Variants in AKAP7 observed in about 807,000 individuals in gnomAD.
AKAP7 encodes A-kinase anchoring protein 7, also known as A kinase (PRKA) anchor protein 7.
A neutral mutation model predicts 39.5 loss-of-function variants in AKAP7; 39 were observed. The ratio of observed to expected loss-of-function variants is 0.99; its 90% CI spans 0.76 to 1.29. The LOEUF is 1.29. AKAP7 is among the 50% of genes most tolerant of loss of function. AKAP7 has a pLI of 0.00. For synonymous variants in AKAP7, 140 were observed against 139.1 expected, an observed-to-expected ratio of 1.01 and a Z score of -0.05; for missense variants, 414 against 407.7, an observed-to-expected ratio of 1.02 and a Z score of -0.13.
chr6:131,199,037 C>T lies in AKAP7; in HGVS notation c.590-424C>T, dbSNP rs568849174. ...GAATAATCAAAGGGCTTACCTTGTT[C>T]GTTTCTCATTGCTCAGGGAAGGTTT... On this transcript the variant is annotated intron_variant, in intron 5 of 7. Coordinates refer to ENST00000431975, the MANE Select transcript of AKAP7 (RefSeq NM_016377.4). Among the ~76,000 whole-genome samples, 12 of 152,310 alleles carry T rather than the reference C, an allele frequency of 7.9e-5. No homozygotes were observed. In the East Asian group the frequency reaches 1.2e-3, roughly 15 times the overall value.
At chr6:131,219,557 A>G in intron 6 of AKAP7, 104 bp from the exon 7 acceptor site, 2 of 1,052,616 alleles carry the variant, frequency 1.9e-6, no homozygotes, top group Non-Finnish European at 2.7e-6. Flanking sequence ...GCAGTGGTGT[A>G]ACAATGTAGT....
At chr6:131,225,705 T>C (rs1176244462) in intron 7 of AKAP7, among the ~76,000 whole-genome samples, 1 of 152,180 alleles carries the variant, frequency 6.6e-6, no homozygotes, top group Non-Finnish European at 1.5e-5. Flanking sequence ...TTAATTTACC[T>C]GATATGATCA....
intron 7 of AKAP7, among the ~76,000 whole-genome samples, chr6:131,246,258 C>T (rs1390728980): frequency 6.6e-6 from 1 of 152,092 alleles, no homozygotes; most frequent in African/African-American, 2.4e-5. Flanking sequence ...TGCCACCCAC[C>T]TCATACTTTT....
intron 6 of AKAP7, among the ~76,000 whole-genome samples, chr6:131,215,195 G>A (rs914423051): frequency 2.0e-5 from 3 of 151,908 alleles, no homozygotes; most frequent in South Asian, 4.1e-4. Context: ...TTATATTTCC[G>A]CTGGAAACTA....
chr6:131,148,990 A>G (rs1801698047), intron 2 of AKAP7, among the ~76,000 whole-genome samples: 1 of 152,206 alleles, frequency 6.6e-6, no homozygotes, highest in South Asian at 2.1e-4. Flanking sequence ...ATTCTTGCTA[A>G]TAGACACCCT....
chr6:131,228,048 C>T (rs77178559), intron 7 of AKAP7, among the ~76,000 whole-genome samples: 18,615 of 152,126 alleles, frequency 0.12, 1,306 homozygotes, highest in Non-Finnish European at 0.15. Flanking sequence ...CTGACTCTGA[C>T]GTCCTTATCT....
At chr6:131,223,086 CA>C (rs1241280340) in intron 7 of AKAP7, among the ~76,000 whole-genome samples, 1 of 152,158 alleles carries the variant, frequency 6.6e-6, no homozygotes, top group Non-Finnish European at 1.5e-5. Flanking sequence ...AAAATGTTTA[CA>C]TTTTTTAGAT....
chr6:131,159,078 GTTTAT>G (rs1199223046), intron 2 of AKAP7, among the ~76,000 whole-genome samples: 1 of 139,648 alleles, frequency 7.2e-6, no homozygotes, highest in Non-Finnish European at 1.5e-5. Flanking sequence ...TTAAGGATCA[GTTTAT>G]TTTATTTTAT....
chr6:131,281,808 C>CTGTT lies in AKAP7; in HGVS notation c.*84_*87dup. Reference sequence around the variant, plus strand: ...AGTCTAGGGACTGACTTGCAGCGTGCTGTTTAAGTTAAGTTTCTCTGGTGC... The same window carrying CTGTT: ...AGTCTAGGGACTGACTTGCAGCGTGCTGTTTGTTTAAGTTAAGTTTCTCTGGTGC... On this transcript the variant is annotated 3_prime_UTR_variant, in exon 8 of 8. Transcript: ENST00000431975. This position sits in a 1 kb window ranked among gnomAD's most constrained non-coding sequence, Gnocchi z 4.0. 7.3e-7 allele frequency: 1 copy of CTGTT among 1,375,566 alleles called. No individual in the cohort carries two copies. The highest frequency in any genetic ancestry group is 2.6e-4 in the Middle Eastern group (1 of 3,820). 85.2% of individuals were successfully genotyped at this position (1,375,566 alleles called of 1,614,324 possible).
intron 5 of AKAP7, among the ~76,000 whole-genome samples, chr6:131,188,762 A>G (rs1394035468): frequency 7.0e-6 from 1 of 142,572 alleles, no homozygotes; most frequent in Non-Finnish European, 1.5e-5. Flanking sequence ...CATGTTGCCC[A>G]GGCTGGTCTC....
intron 6 of AKAP7, among the ~76,000 whole-genome samples, chr6:131,218,590 C>G (rs1311039463): frequency 6.6e-6 from 1 of 152,134 alleles, no homozygotes. Context: ...ATTCTAGTTA[C>G]TTTAATCTTA....
chr6:131,233,568 C>A (rs990010531), intron 7 of AKAP7, among the ~76,000 whole-genome samples: 3 of 152,120 alleles, frequency 2.0e-5, no homozygotes, highest in African/African-American at 7.2e-5. Flanking sequence ...ATATAGAATT[C>A]TTAAGCCCAG....
At chr6:131,190,353 T>C (rs948342578) in intron 5 of AKAP7, among the ~76,000 whole-genome samples, 2 of 152,090 alleles carry the variant, frequency 1.3e-5, no homozygotes, top group African/African-American at 4.8e-5. Flanking sequence ...AATTGAAAAG[T>C]GTTGGCTGGG....
chr6:131,217,910 T>TAC (rs905708139), intron 6 of AKAP7, among the ~76,000 whole-genome samples: 13 of 152,010 alleles, frequency 8.6e-5, no homozygotes, highest in Admixed American at 2.0e-4. Context: ...TGCACACCCC[T>TAC]ACACACACAC....
chr6:131,171,128 A>G (rs1407034965), intron 5 of AKAP7, among the ~76,000 whole-genome samples: 2 of 152,176 alleles, frequency 1.3e-5, no homozygotes, highest in Non-Finnish European at 2.9e-5. Flanking sequence ...TTAGCATGCA[A>G]TTAGCCAGTG....
At chr6:131,271,815 C>CT (rs1814308426) in intron 7 of AKAP7, among the ~76,000 whole-genome samples, 1 of 152,158 alleles carries the variant, frequency 6.6e-6, no homozygotes, top group Non-Finnish European at 1.5e-5. Context: ...TAAAGTCAGA[C>CT]AAGGCCACGA....
chr6:131,232,164 A>C (rs1403458809), intron 7 of AKAP7, among the ~76,000 whole-genome samples: 2 of 152,302 alleles, frequency 1.3e-5, no homozygotes, highest in Non-Finnish European at 2.9e-5. Context: ...CATCTTAGGA[A>C]CCCTGCATAT....
chr6:131,242,401 T>C (rs771855941), intron 7 of AKAP7, among the ~76,000 whole-genome samples: 2 of 152,092 alleles, frequency 1.3e-5, no homozygotes, highest in Non-Finnish European at 2.9e-5. Context: ...TCTCCAGCCA[T>C]GTATTACAAT....
intron 1 of AKAP7, 95 bp downstream of exon 1, chr6:131,135,877 C>G: frequency 8.4e-7 from 1 of 1,184,550 alleles, no homozygotes; most frequent in Non-Finnish European, 1.1e-6. Flanking sequence ...GGGCCTGACC[C>G]GCGCCGGCCC....
Sources: gnomAD v4.1 joint callset for allele counts (sites outside exome capture counted in the v4.1 genomes callset) on GRCh38, gnomAD v4.1.1 for gene constraint, Gnocchi (gnomAD v3.1) non-coding constraint, MANE v1.5 for transcripts, NCBI Gene and HGNC (gene_info 2026-07-23, HGNC 2026-07-21) for gene names.